NEGR1: variants seen among roughly 807,000 people sequenced by gnomAD.
NEGR1 encodes the protein neuronal growth regulator 1.
A neutral mutation model predicts 40.9 loss-of-function variants in NEGR1; 10 were observed. That is an observed-to-expected ratio of 0.24 (90% confidence interval 0.15 to 0.42). The LOEUF is 0.42. Ranked by LOEUF, NEGR1 falls within the 10% of genes least tolerant of loss-of-function variation. NEGR1 has a pLI of 1.00. For synonymous variants in NEGR1, 185 were observed against 166.8 expected (o/e 1.11, Z -0.84); for missense variants, 352 against 438.9 (o/e 0.80, Z 1.77).
At chr1:71,724,062 A>G (rs1403247996) in intron 3 of NEGR1, among the ~76,000 whole-genome samples, 1 of 152,146 alleles carries the variant, frequency 6.6e-6, no homozygotes, top group East Asian at 1.9e-4. Context: ...TATTTTAAAA[A>G]GAACTTATCT....
At chr1:71,813,476 A>C (rs1658079892) in intron 2 of NEGR1, among the ~76,000 whole-genome samples, 1 of 152,076 alleles carries the variant, frequency 6.6e-6, no homozygotes, top group African/African-American at 2.4e-5. Context: ...GAAGAATGTC[A>C]ATGGTAGTTT....
intron 2 of NEGR1, among the ~76,000 whole-genome samples, chr1:71,903,263 G>T (rs1661187856): frequency 6.6e-6 from 1 of 151,742 alleles, no homozygotes; most frequent in Admixed American, 6.6e-5. Flanking sequence ...TTTTATGTCT[G>T]TTCATATTAT....
intron 1 of NEGR1, among the ~76,000 whole-genome samples, chr1:72,213,228 T>A (rs1481265158): frequency 6.6e-6 from 1 of 151,954 alleles, no homozygotes; most frequent in Non-Finnish European, 1.5e-5. Flanking sequence ...GAATGCAAGG[T>A]GTAATCCGCA....
chr1:71,656,771 C>A (rs1195762491), intron 4 of NEGR1, among the ~76,000 whole-genome samples: 2 of 152,212 alleles, frequency 1.3e-5, no homozygotes, highest in Admixed American at 6.5e-5. Context: ...GAACTCTCCT[C>A]ATAAAAGAGA....
chr1:72,019,960 T>C (rs764693790), intron 1 of NEGR1, among the ~76,000 whole-genome samples: 3 of 152,216 alleles, frequency 2.0e-5, no homozygotes, highest in Non-Finnish European at 4.4e-5. Flanking sequence ...AAAAACCTAA[T>C]GCTGCAAAGC....
At chr1:72,266,930 A>T (rs1211905437) in intron 1 of NEGR1, among the ~76,000 whole-genome samples, 1 of 151,088 alleles carries the variant, frequency 6.6e-6, no homozygotes, top group African/African-American at 2.4e-5. Context: ...AGAATAATTA[A>T]TAAGTCCCTA....
intron 1 of NEGR1, among the ~76,000 whole-genome samples, chr1:72,219,167 T>C (rs1201747331): frequency 1.3e-5 from 2 of 152,042 alleles, no homozygotes; most frequent in Non-Finnish European, 2.9e-5. Context: ...CAGTAGGTGG[T>C]TAACAACTTT....
At position 71,429,845 on chromosome 1, in the gene NEGR1, G is replaced by C. The variant is rs368959830; in HGVS notation, c.941-22275C>G. 8.5e-5 allele frequency among the ~76,000 whole-genome samples: 13 copies of C among 152,330 alleles called. No homozygotes were observed. The East Asian group carries it at 1.9e-3, about 23-fold the overall frequency. On this transcript the variant is annotated intron_variant, in intron 6 of 6. Coordinates refer to ENST00000357731, the MANE Select transcript of NEGR1 (RefSeq NM_173808.3). ...TTTAAGAGATGTATTTTGTTTTAAA[G>C]TAAAAATATACTTTATGGATTACCC...
At chr1:72,156,073 C>G (rs1651345080) in intron 1 of NEGR1, among the ~76,000 whole-genome samples, 1 of 152,022 alleles carries the variant, frequency 6.6e-6, no homozygotes, top group African/African-American at 2.4e-5. Context: ...AAAAGGCCTA[C>G]AACCTCTTAC....
chr1:71,588,258 A>G (rs999994565), intron 6 of NEGR1, among the ~76,000 whole-genome samples: 3 of 152,114 alleles, frequency 2.0e-5, no homozygotes, highest in Non-Finnish European at 2.9e-5. Flanking sequence ...CTGAAAAATA[A>G]CAATAAAATA....
intron 2 of NEGR1, among the ~76,000 whole-genome samples, chr1:71,808,706 CCCAACT>C (rs1170183504): frequency 6.6e-6 from 1 of 152,012 alleles, no homozygotes; most frequent in African/African-American, 2.4e-5. Flanking sequence ...AATATCTTCC[CCCAACT>C]CCTTGTTACA....
At chr1:71,951,320 G>A (rs1323709872) in intron 1 of NEGR1, among the ~76,000 whole-genome samples, 1 of 151,854 alleles carries the variant, frequency 6.6e-6, no homozygotes, top group African/African-American at 2.4e-5. Flanking sequence ...CTTGTGAAAT[G>A]AATTGGTCAT....
chr1:72,022,260 CATATATATATAT>C (rs59160727), intron 1 of NEGR1, among the ~76,000 whole-genome samples: 6,715 of 111,604 alleles, frequency 0.06, 437 homozygotes, highest in East Asian at 0.34. Context: ...AAACAATTTT[CATATATATATAT>C]ATATATATAT....
intron 1 of NEGR1, among the ~76,000 whole-genome samples, chr1:71,977,766 TAGA>T (rs201699121): frequency 0.022 from 888 of 40,460 alleles, 11 homozygotes; most frequent in African/African-American, 0.087. Context: ...AGTAGAAAAG[TAGA>T]AGTCAAAAAA....
chr1:71,883,579 T>G (rs540413029), intron 2 of NEGR1, among the ~76,000 whole-genome samples: 257 of 152,278 alleles, frequency 1.7e-3, no homozygotes, highest in African/African-American at 5.7e-3. Context: ...AGCTATTTTC[T>G]TTTTTTATTA....
chr1:71,481,352 T>A (rs1208127486), intron 6 of NEGR1, among the ~76,000 whole-genome samples: 1 of 151,908 alleles, frequency 6.6e-6, no homozygotes, highest in Non-Finnish European at 1.5e-5. Flanking sequence ...CTTTTCTCTC[T>A]ACCATAACCA....
intron 6 of NEGR1, among the ~76,000 whole-genome samples, chr1:71,557,259 G>A (rs577905896): frequency 1.1e-4 from 17 of 151,738 alleles, no homozygotes; most frequent in African/African-American, 4.1e-4. Context: ...GAGACAGGAA[G>A]GCAGCAGAGC....
intron 1 of NEGR1, among the ~76,000 whole-genome samples, chr1:72,045,990 A>G (rs113731793): frequency 0.029 from 4,357 of 151,920 alleles, 83 homozygotes; most frequent in Non-Finnish European, 0.045. Flanking sequence ...ATCTGAAAAA[A>G]GACCCTTGAG....
At chr1:72,230,043 C>T (rs1403658828) in intron 1 of NEGR1, among the ~76,000 whole-genome samples, 1 of 152,090 alleles carries the variant, frequency 6.6e-6, no homozygotes, top group African/African-American at 2.4e-5. Flanking sequence ...ACTGTTTAGG[C>T]AACCACATTG....
Sources: gnomAD v4.1 joint callset for allele counts (sites outside exome capture counted in the v4.1 genomes callset) on GRCh38, gnomAD v4.1.1 for gene constraint, MANE v1.5 for transcripts, NCBI Gene and HGNC (gene_info 2026-07-23, HGNC 2026-07-21) for gene names.